Variants in DNM2 observed in about 807,000 individuals in gnomAD.
The protein encoded by DNM2 is dynamin 2.
A neutral mutation model predicts 99.0 loss-of-function variants in DNM2; 15 were observed. That is an observed-to-expected ratio of 0.15 (90% CI 0.10 to 0.23). The LOEUF (loss-of-function observed/expected upper bound fraction) is 0.23. Among genes scored for constraint, DNM2 ranks in the 10% least tolerant of loss-of-function variants. The pLI, the probability that DNM2 is intolerant of heterozygous loss-of-function variation, is 1.00. For missense variants in DNM2, 742 were observed against 1,189.4 expected, an observed-to-expected ratio of 0.62 and a Z score of 5.53; for synonymous variants, 525 against 481.2, an observed-to-expected ratio of 1.09 and a Z score of -1.19.
Position 10,770,853 on chromosome 19 carries a change from G to A in DNM2, c.236-1626G>A, listed in dbSNP as rs140452198. On this transcript the variant is annotated intron_variant, in intron 2 of 20. Coordinates refer to ENST00000389253, the MANE Select transcript of DNM2 (RefSeq NM_001005361.3). ...CACTGGGTCCCTGCTACAACACAAGGGAATTATGGGAGCTACAAGATGAGA... is the reference window on the plus strand; with the variant it reads ...CACTGGGTCCCTGCTACAACACAAGAGAATTATGGGAGCTACAAGATGAGA... Among the ~76,000 whole-genome samples the A allele has an allele frequency of 3.2e-3, 489 of 152,262 alleles. 1 individual carries two copies. Among genetic ancestry groups the A allele is most frequent in the African/African-American group, 0.011 (474 of 41,540 alleles).
In DNM2 at chr19:10,764,715, CT is replaced by C. The variant is rs1228169011; in HGVS notation, c.235+4906del. The stretch of plus-strand genomic sequence containing the variant: ...GCCTCCTTCTCAAGGCCTTGTGGCC[CT>C]TGCCAGTCTCTGGGACCTCACCTCC... On this transcript the variant is annotated intron_variant, in intron 2 of 20. Transcript: ENST00000389253. This position sits in a 1 kb window ranked among gnomAD's most constrained non-coding sequence, Gnocchi z 4.1. Among the ~76,000 whole-genome samples, 8 of 152,214 alleles carry C rather than the reference CT, an allele frequency of 5.3e-5. No individual in the cohort carries two copies. The highest frequency in any genetic ancestry group is 1.2e-4 in the Non-Finnish European group (8 of 68,036).
intron 1 of DNM2, among the ~76,000 whole-genome samples, chr19:10,747,815 C>G (rs1419675942): frequency 6.6e-6 from 1 of 151,992 alleles, no homozygotes; most frequent in African/African-American, 2.4e-5. Flanking sequence ...GTGAGTGGCA[C>G]TGAGCATTGA....
In DNM2 at chr19:10,786,724, C is replaced by T. The variant is rs964942674; in HGVS notation, c.992+18C>T. 1.2e-6 allele frequency: 2 copies of T among 1,606,164 alleles called. No homozygotes were observed. The highest frequency in any genetic ancestry group is 8.5e-7 in the Non-Finnish European group (1 of 1,175,216). On this transcript the variant is annotated intron_variant, in intron 7 of 20. Transcript: ENST00000389253. Reference sequence around the variant, plus strand: ...CTGCTGCAGTATGTACCCCGGCACCCACCACCACCACCACCCTGGCCCCTG... The same window carrying T: ...CTGCTGCAGTATGTACCCCGGCACCTACCACCACCACCACCCTGGCCCCTG...
chr19:10,799,538 T>TTG (rs1001603747), intron 11 of DNM2, among the ~76,000 whole-genome samples: 1 of 149,364 alleles, frequency 6.7e-6, no homozygotes, highest in Non-Finnish European at 1.5e-5. Context: ...TTTTTTGTTT[T>TTG]TTTTTTTTTT....
Position 10,765,210 on chromosome 19 carries a change from G to C in DNM2, c.235+5399G>C, listed in dbSNP as rs998364740. Among the ~76,000 whole-genome samples, 1 of 151,952 alleles carries C rather than the reference G, an allele frequency of 6.6e-6. No individual in the cohort carries two copies. The highest frequency in any genetic ancestry group is 1.5e-5 in the Non-Finnish European group (1 of 67,994). On this transcript the variant is annotated intron_variant, in intron 2 of 20. Transcript: ENST00000389253. The surrounding 1 kb of genome is among the most constrained non-coding windows in gnomAD (Gnocchi z 4.4). ...CCTGACCTCGTGATCCGCCCACCTC[G>C]GCCTCCCAAAGTGCTGGGATTACAG... is the stretch of plus-strand genomic sequence containing the variant.
intron 18 of DNM2, among the ~76,000 whole-genome samples, chr19:10,825,674 A>AAAAGAG (rs138935330): frequency 7.2e-6 from 1 of 139,070 alleles, no homozygotes; most frequent in African/African-American, 2.6e-5. Flanking sequence ...GTCTCAAGAA[A>AAAAGAG]AGAGAGAGAG....
intron 3 of DNM2, among the ~76,000 whole-genome samples, chr19:10,773,946 G>A (rs1444003804): frequency 6.6e-6 from 1 of 152,124 alleles, no homozygotes; most frequent in Non-Finnish European, 1.5e-5. Context: ...CATTCAAACA[G>A]CAGCCCGGGG....
rs1954267268 is a variant in DNM2 at position 10,772,166 on chromosome 19, GC to G, written c.236-311del. ...GCAATCTCGGCTCACTACAACCTCC[GC>G]CTCCCGGGTTCAAGCAATTATCCTG... On this transcript the variant is annotated intron_variant, in intron 2 of 20. Transcript: ENST00000389253. This position sits in a 1 kb window ranked among gnomAD's most constrained non-coding sequence, Gnocchi z 4.9. Among the ~76,000 whole-genome samples, 1 of 151,512 alleles carries G rather than the reference GC, an allele frequency of 6.6e-6. No individual in the cohort carries two copies. The highest frequency in any genetic ancestry group is 2.4e-5 in the African/African-American group (1 of 41,200).
chr19:10,827,681 C>G (rs999144500), intron 18 of DNM2, among the ~76,000 whole-genome samples: 3 of 151,306 alleles, frequency 2.0e-5, no homozygotes, highest in African/African-American at 7.3e-5. Flanking sequence ...ACCATCCTGG[C>G]CAACATGCTG....
intron 16 of DNM2, among the ~76,000 whole-genome samples, chr19:10,822,602 G>T (rs377590057): frequency 6.6e-6 from 1 of 151,588 alleles, no homozygotes; most frequent in Non-Finnish European, 1.5e-5. Flanking sequence ...AGGTTTAAGC[G>T]ATTCTCCTGC....
intron 1 of DNM2, among the ~76,000 whole-genome samples, chr19:10,732,163 G>C (rs2069346048): frequency 6.6e-6 from 1 of 151,222 alleles, no homozygotes; most frequent in African/African-American, 2.4e-5. Context: ...ACCATGGCCA[G>C]ACTGGTCTTG....
intron 8 of DNM2, among the ~76,000 whole-genome samples, chr19:10,794,323 A>G (rs1754598233): frequency 6.8e-6 from 1 of 147,900 alleles, no homozygotes; most frequent in African/African-American, 2.5e-5. Flanking sequence ...CCTGGGTGCT[A>G]GGATTTGGGA....
At chr19:10,819,334 C>T (rs762012074) in intron 15 of DNM2, among the ~76,000 whole-genome samples, 2 of 152,180 alleles carry the variant, frequency 1.3e-5, no homozygotes, top group African/African-American at 2.4e-5. Context: ...CCAAGATGTC[C>T]TAAAGCGGCC....
chr19:10,802,788 C>G (rs1248917201), intron 12 of DNM2, among the ~76,000 whole-genome samples: 1 of 152,208 alleles, frequency 6.6e-6, no homozygotes, highest in Non-Finnish European at 1.5e-5. Flanking sequence ...TGGGGTCTCC[C>G]TAGCTTCAAG....
rs1304109119 is a variant in DNM2 at position 10,813,429 on chromosome 19, A to G, written c.1671+1052A>G. On this transcript the variant is annotated intron_variant, in intron 15 of 20. Coordinates refer to ENST00000389253, the MANE Select transcript of DNM2 (RefSeq NM_001005361.3). ...CTGTGATGTTTTATTAGATGTACAG[A>G]GTATGTAATGATCACGGCAGAGTGT... is the stretch of plus-strand genomic sequence containing the variant. Among the ~76,000 whole-genome samples, 5 of 152,230 alleles carry G rather than the reference A, an allele frequency of 3.3e-5. No individual in the cohort carries two copies. The East Asian group carries it at 9.6e-4, about 29-fold the overall frequency.
intron 7 of DNM2, among the ~76,000 whole-genome samples, chr19:10,788,361 T>A (rs150181857): frequency 1.8e-4 from 28 of 152,176 alleles, no homozygotes; most frequent in African/African-American, 6.7e-4. Flanking sequence ...GCCGGGCATG[T>A]CAGAGGAAGA....
At position 10,811,352 on chromosome 19, in the gene DNM2, C is replaced by T; in HGVS notation, c.1558-912C>T. 4.0e-6 allele frequency: 1 copy of T among 251,670 alleles called. No individual in the cohort carries two copies. The allele number at this position is 251,670 out of a possible 1,614,324, so 15.6% of individuals were successfully genotyped here. A position where few individuals can be genotyped will look rare whatever the true frequency, so the allele number is the denominator to read the frequency against. Reference sequence around the variant, plus strand: ...TCCAGAGGACCGCCCCCGACTAGGACAGCATCTGGGCCCCAGAGGGATTCC... The same window carrying T: ...TCCAGAGGACCGCCCCCGACTAGGATAGCATCTGGGCCCCAGAGGGATTCC... On this transcript the variant is annotated intron_variant, in intron 14 of 20. Transcript: ENST00000389253. This position sits in a 1 kb window ranked among gnomAD's most constrained non-coding sequence, Gnocchi z 5.4.
At chr19:10,718,731 C>G (rs2068836773) in intron 1 of DNM2, 1 of 209,034 alleles carries the variant, frequency 4.8e-6, no homozygotes, top group Admixed American at 6.0e-5. Flanking sequence ...TGGGGTAGAT[C>G]CCTCTTCTGC....
chr19:10,776,899 G>A (rs2071174677), intron 4 of DNM2, among the ~76,000 whole-genome samples: 1 of 152,236 alleles, frequency 6.6e-6, no homozygotes, highest in African/African-American at 2.4e-5. Flanking sequence ...TATTTGCCGT[G>A]TGCCAGGCTC....
Sources: allele counts gnomAD v4.1 joint callset (sites outside exome capture counted in the v4.1 genomes callset), GRCh38; gene constraint gnomAD v4.1.1; non-coding constraint Gnocchi (gnomAD v3.1); transcripts MANE v1.5; gene names NCBI Gene and HGNC (gene_info 2026-07-23, HGNC 2026-07-21).